The following ABCB9 variants were observed in gnomAD, a reference collection of about 807,000 sequenced individuals.
ABCB9 encodes ABC-type oligopeptide transporter ABCB9.
Under a neutral mutation model 62.0 loss-of-function variants are expected in ABCB9, and 36 were observed. The ratio of observed to expected loss-of-function variants is 0.58; its 90% CI spans 0.45 to 0.77. ABCB9 has a LOEUF of 0.77. ABCB9 is among the 30% of genes least tolerant of loss of function. ABCB9 has a pLI of 0.00. For missense variants in ABCB9, 943 were observed against 1,054.7 expected, an observed-to-expected ratio of 0.89 and a Z score of 1.47; for synonymous variants, 435 against 461.4, an observed-to-expected ratio of 0.94 and a Z score of 0.73.
intron 9 of ABCB9, among the ~76,000 whole-genome samples, chr12:122,936,830 C>G (rs558960390): frequency 6.7e-6 from 1 of 150,122 alleles, no homozygotes; most frequent in Non-Finnish European, 1.5e-5. Context: ...CTTGACCCCT[C>G]GAGGCGGAGG....
chr12:122,974,910 GC>G (rs895841939), exon 1 of ABCB9: 22 of 205,482 alleles, frequency 1.1e-4, no homozygotes, highest in African/African-American at 4.6e-4. Context: ...CGGGCAGACG[GC>G]GGGGGGTGGG....
In ABCB9 at chr12:122,947,589, C is replaced by A; in HGVS notation, c.1053+1035G>T. 5.4e-6 allele frequency: 2 copies of A among 371,660 alleles called. No homozygotes were observed. The highest frequency in any genetic ancestry group is 1.9e-5 in the South Asian group (1 of 53,644). 23.0% of individuals were successfully genotyped at this position (371,660 alleles called of 1,614,324 possible). A position where few individuals can be genotyped will look rare whatever the true frequency, so the allele number is the denominator to read the frequency against. ...TACCTGTCACAGGGTCACAGCCCTG[C>A]CTGTCTGAACCCAGCCTGTCTGTCC... On this transcript the variant is annotated intron_variant, in intron 5 of 11. Coordinates refer to ENST00000280560, the MANE Select transcript of ABCB9 (RefSeq NM_019625.4). The surrounding 1 kb of genome is among the most constrained non-coding windows in gnomAD (Gnocchi z 6.0).
In ABCB9 at chr12:122,940,254, C is replaced by A. The variant is rs1330418062; in HGVS notation, c.1600G>T (p.Val534Leu). 1.2e-6 allele frequency: 2 copies of A among 1,607,252 alleles called. No individual in the cohort carries two copies. The highest frequency in any genetic ancestry group is 2.2e-5 in the South Asian group (2 of 90,406). Reference sequence around the variant, plus strand: ...CCCGAGGGCCCCACCAGGGCCGTCACCTTGCCGGGGGACAGGCTGAAGGAG... The same window carrying A: ...CCCGAGGGCCCCACCAGGGCCGTCAACTTGCCGGGGGACAGGCTGAAGGAG... ...NVSFSLSPGKVTALVGPSGSG... is the reference protein window; with the variant it reads ...NVSFSLSPGKLTALVGPSGSG... The change falls in exon 9 of 12, where the codon GTG becomes TTG. Residue 534 changes from valine to leucine, a missense_variant. Transcript: ENST00000280560. The surrounding 1 kb of genome is among the most constrained non-coding windows in gnomAD (Gnocchi z 4.8).
chr12:122,941,728 CTATT>C lies in ABCB9; in HGVS notation c.1381-737_1381-734del, dbSNP rs1269733777. Among the ~76,000 whole-genome samples, 7 of 151,520 alleles carry C rather than the reference CTATT, an allele frequency of 4.6e-5. 1 individual carries two copies. Among genetic ancestry groups the C allele is most frequent in the South Asian group, 4.2e-4 (2 of 4,780 alleles). ...AACGGCCCATTTTCTTAAGTATTCT[CTATT>C]TATTTTTTTTGAGAGGAGGGTCTCA... On this transcript the variant is annotated intron_variant, in intron 7 of 11. Coordinates refer to ENST00000280560, the MANE Select transcript of ABCB9 (RefSeq NM_019625.4).
intron 10 of ABCB9, among the ~76,000 whole-genome samples, chr12:122,933,749 A>T (rs1181383039): frequency 6.6e-6 from 1 of 152,136 alleles, no homozygotes; most frequent in African/African-American, 2.4e-5. Flanking sequence ...ATTTTAATTT[A>T]AAAATTCTTT....
Position 122,947,165 on chromosome 12 carries a change from T to G in ABCB9, c.1054-943A>C, listed in dbSNP as rs1339539117. Among the ~76,000 whole-genome samples, 2 of 151,772 alleles carry G rather than the reference T, an allele frequency of 1.3e-5. No individual in the cohort carries two copies. ...GCAGGGCCTGCAGTGCACACAGAGG[T>G]GGGGGCTGAGGGGGAGCTCCAGGGT... On this transcript the variant is annotated intron_variant, in intron 5 of 11. Transcript: ENST00000280560. This position sits in a 1 kb window ranked among gnomAD's most constrained non-coding sequence, Gnocchi z 6.0.
chr12:122,940,740 T>C lies in ABCB9; in HGVS notation c.1569+67A>G, dbSNP rs928789351. 9 of 1,470,922 alleles carry C rather than the reference T, an allele frequency of 6.1e-6. No individual in the cohort carries two copies. The African/African-American group carries it at 9.7e-5, about 16-fold the overall frequency. The allele number at this position is 1,470,922 out of a possible 1,614,324, so 91.1% of individuals were successfully genotyped here. On this transcript the variant is annotated intron_variant, in intron 8 of 11. Coordinates refer to ENST00000280560, the MANE Select transcript of ABCB9 (RefSeq NM_019625.4). The surrounding 1 kb of genome is among the most constrained non-coding windows in gnomAD (Gnocchi z 4.8). The stretch of plus-strand genomic sequence containing the variant: ...AGCTGCCCTGCCACAGCCTGGTGTA[T>C]AGGAGGTGCACCAGAAATGGGGTGA...
rs760367704 is a variant in ABCB9, at chr12:122,960,219, G to A, written c.17C>T (p.Ala6Val). Reference sequence around the variant, plus strand: ...CATGAAGGCCAAAGTCACCACCACCGCCTTCCACAGCCGCATCCTGCTGGT... The same window carrying A: ...CATGAAGGCCAAAGTCACCACCACCACCTTCCACAGCCGCATCCTGCTGGT... MRLWK[A>V]VVVTLAFMSV... Residue 6 changes from alanine (A) to valine (V), a missense_variant, in exon 2 of 12, where the codon GCG becomes GTG. Physicochemically the swap from Ala to Val is moderately conservative, Grantham distance 64. Coordinates refer to ENST00000280560, the MANE Select transcript of ABCB9 (RefSeq NM_019625.4). 6.8e-6 allele frequency: 11 copies of A among 1,611,342 alleles called. No individual in the cohort carries two copies. Among genetic ancestry groups the A allele is most frequent in the East Asian group, 2.2e-5 (1 of 44,836 alleles).
At position 122,935,310 on chromosome 12, in the gene ABCB9, TG is replaced by T. The variant is rs2035403574; in HGVS notation, c.1864del (p.His622ThrfsTer59). On this transcript the variant is annotated frameshift_variant, in exon 10 of 12. Transcript: ENST00000280560. LOFTEE classifies it high-confidence loss of function. ...VVEAAQKANA[H>X]GFIMELQDGY... ...GTCCTGGAGTTCCATGATGAAGCCG[TG>T]GGCATTGGCCTTCTGTGCGGCCTCC... The T allele has an allele frequency of 3.1e-6, 5 of 1,613,320 alleles. No homozygotes were observed. Among genetic ancestry groups the T allele is most frequent in the Non-Finnish European group, 4.2e-6 (5 of 1,179,762 alleles).
intron 2 of ABCB9, chr12:122,952,870 T>G (rs1566184916): frequency 6.6e-6 from 1 of 152,252 alleles, no homozygotes; most frequent in South Asian, 2.1e-4. Flanking sequence ...TTAACCTCAC[T>G]GGGACTATCT....
upstream of ABCB9, among the ~76,000 whole-genome samples, chr12:122,967,717 G>C (rs796918899): frequency 1.1e-4 from 17 of 152,280 alleles, no homozygotes; most frequent in African/African-American, 4.1e-4. Flanking sequence ...TCAAACTCCT[G>C]ACCTCAAGTG....
chr12:122,967,427 G>A (rs2037210059), upstream of ABCB9, among the ~76,000 whole-genome samples: 1 of 152,184 alleles, frequency 6.6e-6, no homozygotes, highest in Non-Finnish European at 1.5e-5. Context: ...GAAGTGGGTG[G>A]GGGAGTGGAC....
exon 12 of ABCB9, chr12:122,921,011 C>T (rs2034733279): frequency 4.6e-6 from 7 of 1,534,550 alleles, no homozygotes; most frequent in African/African-American, 4.1e-5. Context: ...CAATCCATCT[C>T]GGTTCTGATA....
intron 9 of ABCB9, among the ~76,000 whole-genome samples, chr12:122,938,043 T>TG (rs1203566764): frequency 2.0e-5 from 3 of 152,198 alleles, no homozygotes; most frequent in African/African-American, 7.2e-5. Context: ...AAATGTAAAT[T>TG]GGTATAACCA....
chr12:122,973,597 A>AAAAAAAAAAAAAC (rs1566206703), intron 1 of ABCB9, among the ~76,000 whole-genome samples: 4 of 139,676 alleles, frequency 2.9e-5, no homozygotes, highest in African/African-American at 1.1e-4. Flanking sequence ...AAAAAAAAAA[A>AAAAAAAAAAAAAC]AAAAAAAAAA....
At chr12:122,956,785 G>C (rs1020046459) in intron 2 of ABCB9, among the ~76,000 whole-genome samples, 1 of 152,172 alleles carries the variant, frequency 6.6e-6, no homozygotes, top group Non-Finnish European at 1.5e-5. Flanking sequence ...CTCCCAAAGT[G>C]CTGGGATTAT....
In ABCB9 at chr12:122,950,398, C is replaced by T. The variant is rs1021402558; in HGVS notation, c.716+53G>A. On this transcript the variant is annotated intron_variant, in intron 3 of 11. Coordinates refer to ENST00000280560, the MANE Select transcript of ABCB9 (RefSeq NM_019625.4). The stretch of plus-strand genomic sequence containing the variant: ...CTTAGGAACAGGCCCTCCCTTCCCT[C>T]CCTGGTGCAGGTCGGGGTGTGCGGG... 2.6e-6 allele frequency: 4 copies of T among 1,517,270 alleles called. No homozygotes were observed. In the African/African-American group the frequency reaches 5.5e-5, roughly 21 times the overall value. The allele number at this position is 1,517,270 out of a possible 1,614,324, so 94.0% of individuals were successfully genotyped here.
chr12:122,943,454 C>T (rs1447703501), intron 7 of ABCB9, among the ~76,000 whole-genome samples: 3 of 152,162 alleles, frequency 2.0e-5, no homozygotes, highest in Non-Finnish European at 4.4e-5. Context: ...GGAAGTCAGG[C>T]CCGGCTGGCC....
At position 122,930,412 on chromosome 12, in the gene ABCB9, C is replaced by CT. The variant is rs397954994; in HGVS notation, c.2041-242dup. On this transcript the variant is annotated intron_variant, in intron 11 of 11. Transcript: ENST00000280560. The surrounding 1 kb of genome is among the most constrained non-coding windows in gnomAD (Gnocchi z 4.9). The stretch of plus-strand genomic sequence containing the variant: ...TCTTCTGGTCCTTCCCTTCCCCCTC[C>CT]TTTTTTTTTTTTTTTTTTTTTAAGT... 9.8e-3 allele frequency among the ~76,000 whole-genome samples: 1,338 copies of CT among 136,626 alleles called. 20 individuals carry two copies. Among genetic ancestry groups the CT allele is most frequent in the African/African-American group, 0.029 (1,042 of 35,742 alleles). The allele number at this position is 136,626 out of a possible 152,430, so 89.6% of individuals were successfully genotyped here.
Sources: gnomAD v4.1 joint callset for allele counts (sites outside exome capture counted in the v4.1 genomes callset) on GRCh38, gnomAD v4.1.1 for gene constraint, Gnocchi (gnomAD v3.1) non-coding constraint, MANE v1.5 for transcripts, NCBI Gene and HGNC (gene_info 2026-07-23, HGNC 2026-07-21) for gene names.